RIMS2: variants seen among roughly 807,000 people sequenced by gnomAD.
RIMS2 encodes regulating synaptic membrane exocytosis 2.
A neutral mutation model predicts 174.4 loss-of-function variants in RIMS2; 59 were observed. The ratio of observed to expected loss-of-function variants is 0.34; its 90% confidence interval spans 0.27 to 0.42. The LOEUF (loss-of-function observed/expected upper bound fraction) is 0.42, where lower values mean the gene tolerates loss of function less well. RIMS2 is among the 10% of genes least tolerant of loss of function. The probability of loss-of-function intolerance (pLI) is 1.00; values close to 1 mark genes in which losing one functional copy is unlikely to be tolerated. For missense variants in RIMS2, 1,620 were observed against 1,666.3 expected (o/e 0.97, Z 0.48); for synonymous variants, 606 against 572.5 (o/e 1.06, Z -0.84).
intron 5 of RIMS2, 44 bp downstream of exon 8, chr8:103,910,573 C>A: frequency 8.6e-7 from 1 of 1,163,796 alleles, no homozygotes; most frequent in Non-Finnish European, 1.3e-6. Flanking sequence ...CTCATTTGGT[C>A]TTCGTTTGCT....
intron 3 of RIMS2, among the ~76,000 whole-genome samples, chr8:103,854,835 G>A (rs545502603): frequency 6.6e-6 from 1 of 151,684 alleles, no homozygotes; most frequent in East Asian, 1.9e-4. Context: ...CTTTTCTCGT[G>A]GTATATATGT....
rs570234704 is a variant in RIMS2, at chr8:103,763,952, G to A, written c.388-2275G>A. ...AACTACGAATCTCTGCCATAGACCG[G>A]TGGTTCTCAAATGTTAGCAAACATC... On this transcript the variant is annotated intron_variant, in intron 2 of 23. Coordinates refer to ENST00000504942, the Ensembl canonical transcript of RIMS2. Among the ~76,000 whole-genome samples, 147 of 152,294 alleles carry A rather than the reference G, an allele frequency of 9.7e-4. 2 individuals carry two copies. The highest frequency in any genetic ancestry group is 1.6e-3 in the Non-Finnish European group (109 of 68,022).
chr8:103,528,077 G>A (rs1411048137), intron 1 of RIMS2, among the ~76,000 whole-genome samples: 8 of 152,154 alleles, frequency 5.3e-5, no homozygotes, highest in Non-Finnish European at 7.4e-5. Flanking sequence ...TTTAATGATC[G>A]CCATTCTAAC....
intron 19 of RIMS2, among the ~76,000 whole-genome samples, chr8:104,140,068 T>G (rs79441090): frequency 7.0e-4 from 107 of 152,344 alleles, no homozygotes; most frequent in African/African-American, 2.5e-3. Flanking sequence ...TCACATTGAT[T>G]GATTTACATA....
At chr8:103,960,234 G>C (rs2154545306) in intron 14 of RIMS2, among the ~76,000 whole-genome samples, 1 of 152,294 alleles carries the variant, frequency 6.6e-6, no homozygotes, top group East Asian at 1.9e-4. Context: ...TAAGCGTGTA[G>C]TCACAATCTA....
intron 4 of RIMS2, among the ~76,000 whole-genome samples, chr8:103,898,528 T>A (rs1441314338): frequency 2.0e-5 from 3 of 151,582 alleles, no homozygotes; most frequent in Non-Finnish European, 4.4e-5. Context: ...TTTATAGTAG[T>A]CCACTGTCAT....
At position 103,716,937 on chromosome 8, in the gene RIMS2, G is replaced by A. The variant is rs117934595; in HGVS notation, c.387+19641G>A. Among the ~76,000 whole-genome samples the A allele has an allele frequency of 3.9e-3, 590 of 152,150 alleles. 5 individuals carry two copies. The highest frequency in any genetic ancestry group is 3.1e-3 in the Non-Finnish European group (212 of 67,996). Reference sequence around the variant, plus strand: ...GGCTAGGTTTTAATAATCTGCTAGTGTGTGCCCTTAGTGGTCTAATTTGAA... The same window carrying A: ...GGCTAGGTTTTAATAATCTGCTAGTATGTGCCCTTAGTGGTCTAATTTGAA... On this transcript the variant is annotated intron_variant, in intron 2 of 23. Coordinates refer to ENST00000504942, the Ensembl canonical transcript of RIMS2.
chr8:103,907,894 C>T (rs981590864), intron 4 of RIMS2, among the ~76,000 whole-genome samples: 1 of 151,040 alleles, frequency 6.6e-6, no homozygotes, highest in African/African-American at 2.4e-5. Context: ...TACATGCACC[C>T]GCCACCATGC....
chr8:103,834,675 T>TC (rs1564827769), intron 3 of RIMS2, among the ~76,000 whole-genome samples: 12 of 147,504 alleles, frequency 8.1e-5, no homozygotes, highest in East Asian at 2.0e-4. Context: ...CTCTGAGGTC[T>TC]TTTTCTTTCT....
chr8:103,942,181 T>G lies in RIMS2; in HGVS notation c.2548-592T>G, dbSNP rs1166489107. 5.3e-5 allele frequency among the ~76,000 whole-genome samples: 8 copies of G among 152,190 alleles called. No individual in the cohort carries two copies. In the East Asian group the frequency reaches 1.3e-3, roughly 26 times the overall value. ...TCCGGTAGGCCCCAGTACGTGTTATTTGCCTCTGTGGGTCCATGTGTTTCT... is the reference window on the plus strand; with the variant it reads ...TCCGGTAGGCCCCAGTACGTGTTATGTGCCTCTGTGGGTCCATGTGTTTCT... On this transcript the variant is annotated intron_variant, in intron 13 of 23. Transcript: ENST00000504942.
At chr8:104,122,430 A>T (rs555920065) in intron 19 of RIMS2, among the ~76,000 whole-genome samples, 1 of 152,260 alleles carries the variant, frequency 6.6e-6, no homozygotes, top group Non-Finnish European at 1.5e-5. Flanking sequence ...ATCTTATACA[A>T]AGCAGTTCAA....
At position 104,196,040 on chromosome 8, in the gene RIMS2, C is replaced by T. The variant is rs138882313; in HGVS notation, c.3335-48876C>T. On this transcript the variant is annotated intron_variant, in intron 19 of 23. Transcript: ENST00000504942. The stretch of plus-strand genomic sequence containing the variant: ...AATCAAAGACCTAATATGACTATAA[C>T]ATGAAGCACAGAAAATTATTTTTAT... Among the ~76,000 whole-genome samples the T allele has an allele frequency of 2.1e-3, 316 of 152,166 alleles. 3 individuals are homozygous for T. The highest frequency in any genetic ancestry group is 0.01 in the Middle Eastern group (3 of 294).
intron 1 of RIMS2, among the ~76,000 whole-genome samples, chr8:103,685,322 G>GCTCTC (rs1201765925): frequency 2.0e-5 from 3 of 152,104 alleles, no homozygotes; most frequent in African/African-American, 7.2e-5. Flanking sequence ...CACATGGCAA[G>GCTCTC]AGAGGGAGCA....
At chr8:104,004,388 G>A (rs924782829) in intron 17 of RIMS2, among the ~76,000 whole-genome samples, 4 of 152,062 alleles carry the variant, frequency 2.6e-5, no homozygotes, top group African/African-American at 9.7e-5. Context: ...GAGAGCTAAA[G>A]GAATAGTTTC....
At chr8:104,113,489 A>C (rs1356327654) in intron 19 of RIMS2, among the ~76,000 whole-genome samples, 1 of 152,096 alleles carries the variant, frequency 6.6e-6, no homozygotes, top group East Asian at 1.9e-4. Flanking sequence ...GAAAGATATT[A>C]ATTTTAAAAT....
At position 103,692,239 on chromosome 8, in the gene RIMS2, G is replaced by A. The variant is rs1471414311; in HGVS notation, c.177-4847G>A. Among the ~76,000 whole-genome samples, 3 of 152,172 alleles carry A rather than the reference G, an allele frequency of 2.0e-5. No individual in the cohort carries two copies. In the East Asian group the frequency reaches 5.8e-4, roughly 29 times the overall value. On this transcript the variant is annotated intron_variant, in intron 1 of 23. Coordinates refer to ENST00000504942, the Ensembl canonical transcript of RIMS2. ...ACCTGTGTTCACTCAAGGTTCAAGG[G>A]CTTTACAATCAGCAAGTGCTAAAGC... is the stretch of plus-strand genomic sequence containing the variant.
At chr8:104,043,952 C>T (rs892676472) in intron 19 of RIMS2, among the ~76,000 whole-genome samples, 17 of 151,536 alleles carry the variant, frequency 1.1e-4, no homozygotes, top group African/African-American at 4.1e-4. Flanking sequence ...GCATAGACTT[C>T]ACATAGATTA....
intron 3 of RIMS2, chr8:103,880,538 AGTAGAG>A: frequency 2.5e-6 from 1 of 401,518 alleles, no homozygotes; most frequent in Non-Finnish European, 4.4e-6. Flanking sequence ...ATTGTAAACA[AGTAGAG>A]ACTTTCAAAT....
chr8:103,951,440 T>A (rs1358329607), intron 14 of RIMS2, among the ~76,000 whole-genome samples: 5 of 152,108 alleles, frequency 3.3e-5, no homozygotes, highest in Non-Finnish European at 5.9e-5. Flanking sequence ...TGCTTGGAAG[T>A]GGGTGCAGCC....
Sources: allele counts gnomAD v4.1 joint callset (sites outside exome capture counted in the v4.1 genomes callset), GRCh38; gene constraint gnomAD v4.1.1; transcripts MANE v1.5; gene names NCBI Gene and HGNC (gene_info 2026-07-23, HGNC 2026-07-21).